Variants in NUTM1 observed in about 807,000 individuals in gnomAD.
NUTM1 encodes NUT family member 1.
NUTM1 carries 39 observed loss-of-function variants against 88.7 expected under a neutral mutation model. The ratio of observed to expected loss-of-function variants is 0.44; its 90% CI spans 0.34 to 0.57. NUTM1 has a LOEUF of 0.57. Among genes scored for constraint, NUTM1 ranks in the 20% least tolerant of loss-of-function variants. NUTM1 has a pLI of 0.01. For synonymous variants in NUTM1, 494 were observed against 538.0 expected (o/e 0.92, Z 1.13); for missense variants, 1,350 against 1,414.5 (o/e 0.95, Z 0.73).
Position 34,357,187 on chromosome 15 carries a change from C to G in NUTM1, c.3179C>G (p.Pro1060Arg), listed in dbSNP as rs1274350602. 1.9e-6 allele frequency: 3 copies of G among 1,614,184 alleles called. No homozygotes were observed. The highest frequency in any genetic ancestry group is 2.5e-6 in the Non-Finnish European group (3 of 1,180,024). Residue 1060 changes from proline to arginine, a missense_variant, in exon 8 of 8, where the codon CCA becomes CGA. By Grantham distance (103) the Pro-to-Arg change is moderately radical. This residue lies in a region of NUTM1 where 730 missense variants were observed against 728.8 expected (regional missense o/e 1.00). Transcript: ENST00000537011. ...TTGGCCTCTAAACTTAGCCTCTCAC[C>G]AAGGGAGCATCCCCTCAGTCCTCAC... ...YLLASKLSLS[P>R]REHPLSPHHA...
At chr15:34,350,493 G>C (rs1341271284) in intron 3 of NUTM1, among the ~76,000 whole-genome samples, 1 of 152,180 alleles carries the variant, frequency 6.6e-6, no homozygotes, top group Non-Finnish European at 1.5e-5. Context: ...TTTTATATTA[G>C]TTGTAAAGTT....
Position 34,348,467 on chromosome 15 carries a change from T to A in NUTM1, c.599T>A (p.Ile200Asn), listed in dbSNP as rs1177487639. 6.2e-7 allele frequency: 1 copy of A among 1,614,142 alleles called. No individual in the cohort carries two copies. The highest frequency in any genetic ancestry group is 2.2e-5 in the East Asian group (1 of 44,890). Residue 200 changes from isoleucine to asparagine, a missense_variant, in exon 3 of 8, where the codon ATT (isoleucine) becomes AAT (asparagine). Coordinates refer to ENST00000537011, the MANE Select transcript of NUTM1 (RefSeq NM_001284292.2). Reference sequence around the variant, plus strand: ...CCACCAGTTGCTCAACTGGTCCCCATTGTGCCCCTGGAAAAAGCTTGGCCA... The same window carrying A: ...CCACCAGTTGCTCAACTGGTCCCCAATGTGCCCCTGGAAAAAGCTTGGCCA... ...PPPPVAQLVPIVPLEKAWPGP... is the reference protein window; with the variant it reads ...PPPPVAQLVPNVPLEKAWPGP...
At chr15:34,345,343 A>T (rs1890566770) in intron 1 of NUTM1, among the ~76,000 whole-genome samples, 1 of 152,234 alleles carries the variant, frequency 6.6e-6, no homozygotes, top group Non-Finnish European at 1.5e-5. Context: ...TTATTTAGTG[A>T]GGCTTTTCAG....
chr15:34,348,083 A>G lies in NUTM1; in HGVS notation c.215A>G (p.Glu72Gly), dbSNP rs1890634433. 2 of 1,613,940 alleles carry G rather than the reference A, an allele frequency of 1.2e-6. No homozygotes were observed. Among genetic ancestry groups the G allele is most frequent in the Non-Finnish European group, 1.7e-6 (2 of 1,179,964 alleles). ...TSDPPDHPPR[E>G]PPPQPIMPSV... ...GACCCACCAGACCACCCACCCAGGG[A>G]GCCACCTCCACAGCCCATCATGCCT... The change falls in exon 3 of 8, where the codon GAG becomes GGG. Residue 72 changes from glutamate to glycine, a missense_variant. Transcript: ENST00000537011.
In NUTM1 at chr15:34,357,538, G is replaced by A. The variant is rs998042728; in HGVS notation, c.*47G>A. 1.2e-5 allele frequency: 19 copies of A among 1,610,674 alleles called. No individual in the cohort carries two copies. Among genetic ancestry groups the A allele is most frequent in the Non-Finnish European group, 1.4e-5 (17 of 1,179,960 alleles). The stretch of plus-strand genomic sequence containing the variant: ...CCCACTTGCCAGTCCCTAAAGGTGG[G>A]TGCCCCAGAGTAGATTCCACCCCTG... On this transcript the variant is annotated 3_prime_UTR_variant, in exon 8 of 8. Coordinates refer to ENST00000537011, the MANE Select transcript of NUTM1 (RefSeq NM_001284292.2).
chr15:34,356,821 G>A lies in NUTM1; in HGVS notation c.2813G>A (p.Cys938Tyr). 2 of 1,612,226 alleles carry A rather than the reference G, an allele frequency of 1.2e-6. No individual in the cohort carries two copies. The highest frequency in any genetic ancestry group is 8.5e-7 in the Non-Finnish European group (1 of 1,179,722). The change falls in exon 8 of 8, where the codon TGT (cysteine) becomes TAT (tyrosine). Residue 938 changes from cysteine to tyrosine, a missense_variant. Cys to Tyr is a radical substitution (Grantham distance 194). Around this residue, in one of 5 missense-constraint regions of NUTM1, gnomAD observed 730 missense variants for 728.8 expected, o/e 1.00. Coordinates refer to ENST00000537011, the MANE Select transcript of NUTM1 (RefSeq NM_001284292.2). ...PVNILDVKDD[C>Y]GLQLRVSEDT... ...AACATACTAGATGTTAAAGATGACT[G>A]TGGCCTCCAACTAAGGGTCAGCGAG...
chr15:34,354,710 C>G lies in NUTM1; in HGVS notation c.1340C>G (p.Ser447Cys), dbSNP rs747113939. The stretch of plus-strand genomic sequence containing the variant: ...CTGAGCTACATCAATGAGCTGTGTT[C>G]TCAGAAGGTCTTTGTCTCCAAGGTG... ...GLLSYINELC[S>C]QKVFVSKVEA... Residue 447 changes from serine to cysteine, a missense_variant, in exon 6 of 8, where the codon TCT (serine) becomes TGT (cysteine). Physicochemically the swap from Ser to Cys is moderately radical, Grantham distance 112. Coordinates refer to ENST00000537011, the MANE Select transcript of NUTM1 (RefSeq NM_001284292.2). The G allele has an allele frequency of 1.2e-6, 2 of 1,614,030 alleles. No homozygotes were observed. The highest frequency in any genetic ancestry group is 2.7e-5 in the African/African-American group (2 of 74,934).
chr15:34,349,446 C>G (rs1431841051), intron 3 of NUTM1, among the ~76,000 whole-genome samples: 1 of 152,192 alleles, frequency 6.6e-6, no homozygotes, highest in Non-Finnish European at 1.5e-5. Context: ...AAAAGGCCAT[C>G]TAGAAGAGGA....
At position 34,353,986 on chromosome 15, in the gene NUTM1, G is replaced by C. The variant is rs550339880; in HGVS notation, c.1075+114G>C. On this transcript the variant is annotated intron_variant, in intron 5 of 7. Coordinates refer to ENST00000537011, the MANE Select transcript of NUTM1 (RefSeq NM_001284292.2). ...CCCAGGCTCTGCCACTTTCCCTCTG[G>C]AGAGTGGCATTTGATATTCCAAACA... 2.9e-4 allele frequency: 358 copies of C among 1,224,838 alleles called. 5 individuals are homozygous for C. In the South Asian group the frequency reaches 4.8e-3, roughly 16 times the overall value. The allele number at this position is 1,224,838 out of a possible 1,614,324, so 75.9% of individuals were successfully genotyped here.
rs377683009 is a variant in NUTM1 at position 34,355,149 on chromosome 15, G to A, written c.1479+12G>A. 1.5e-5 allele frequency: 22 copies of A among 1,509,076 alleles called. No individual in the cohort carries two copies. The highest frequency in any genetic ancestry group is 1.8e-5 in the Non-Finnish European group (20 of 1,084,628). 93.5% of individuals were successfully genotyped at this position (1,509,076 alleles called of 1,614,324 possible). ...TCACTCTTGCCCAGGTAAAACTGGG[G>A]TATAGGAAATATGAGAACGAGAAGC... On this transcript the variant is annotated intron_variant, in intron 7 of 7. Transcript: ENST00000537011. This position sits in a 1 kb window ranked among gnomAD's most constrained non-coding sequence, Gnocchi z 4.3.
chr15:34,356,932 C>T lies in NUTM1; in HGVS notation c.2924C>T (p.Ala975Val), dbSNP rs139744688. The T allele has an allele frequency of 1.1e-5, 17 of 1,613,782 alleles. No individual in the cohort carries two copies. In the East Asian group the frequency reaches 3.6e-4, roughly 34 times the overall value. Residue 975 changes from alanine (A) to valine (V), a missense_variant, in exon 8 of 8, where the codon GCT becomes GTT. By Grantham distance (64) the Ala-to-Val change is moderately conservative. This residue lies in a region of NUTM1 where 730 missense variants were observed against 728.8 expected (regional missense o/e 1.00). Coordinates refer to ENST00000537011, the MANE Select transcript of NUTM1 (RefSeq NM_001284292.2). Reference sequence around the variant, plus strand: ...GATCTGTCCAAGCCTAAAAACCTTGCTCCTTTACAAGAGAGTCAGGAGTCT... The same window carrying T: ...GATCTGTCCAAGCCTAAAAACCTTGTTCCTTTACAAGAGAGTCAGGAGTCT... ...DPDLSKPKNL[A>V]PLQESQESYT...
In NUTM1 at chr15:34,354,589, G is replaced by C. The variant is rs745774939; in HGVS notation, c.1219G>C (p.Val407Leu). The C allele has an allele frequency of 6.2e-7, 1 of 1,614,212 alleles. No homozygotes were observed. The highest frequency in any genetic ancestry group is 8.5e-7 in the Non-Finnish European group (1 of 1,180,046). The change falls in exon 6 of 8, where the codon GTG becomes CTG. Residue 407 changes from valine to leucine, a missense_variant. Around this residue, in one of 5 missense-constraint regions of NUTM1, gnomAD observed 126 missense variants for 189.8 expected, o/e 0.66. Coordinates refer to ENST00000537011, the MANE Select transcript of NUTM1 (RefSeq NM_001284292.2). ...KEYVDIMEWLVGTHLATGESD... is the reference protein window; with the variant it reads ...KEYVDIMEWLLGTHLATGESD... The stretch of plus-strand genomic sequence containing the variant: ...GTATGTTGACATCATGGAATGGCTG[G>C]TGGGGACTCACTTGGCCACTGGGGA...
In NUTM1 at chr15:34,357,113, A is replaced by G; in HGVS notation, c.3105A>G (p.Lys1035=). The change falls in exon 8 of 8, where the codon AAA becomes AAG. Residue 1035 remains lysine, a synonymous_variant. Coordinates refer to ENST00000537011, the MANE Select transcript of NUTM1 (RefSeq NM_001284292.2). ...ADRAKGKEKK[K]KEAEEEDEEL... ...GGGCCAAAGGAAAGGAGAAAAAGAA[A>G]AAGGAAGCAGAGGAAGAGGATGAGG... The G allele has an allele frequency of 6.2e-7, 1 of 1,614,130 alleles. No homozygotes were observed. Among genetic ancestry groups the G allele is most frequent in the Non-Finnish European group, 8.5e-7 (1 of 1,180,010 alleles).
At chr15:34,352,804 T>TCAAAAA (rs1221340569) in intron 4 of NUTM1, among the ~76,000 whole-genome samples, 1 of 146,246 alleles carries the variant, frequency 6.8e-6, no homozygotes, top group East Asian at 2.1e-4. Context: ...AGACTCTGTC[T>TCAAAAA]CAAAAACAAA....
chr15:34,352,876 ACT>A (rs1890734176), intron 4 of NUTM1, among the ~76,000 whole-genome samples: 1 of 125,132 alleles, frequency 8.0e-6, no homozygotes, highest in Middle Eastern at 4.2e-3. Flanking sequence ...ATCATTCTTA[ACT>A]TTTTTTTTTT....
Position 34,343,493 on chromosome 15 carries a change from G to C in NUTM1, c.-204G>C. On this transcript the variant is annotated 5_prime_UTR_variant, in exon 1 of 8. Transcript: ENST00000537011. Reference sequence around the variant, plus strand: ...GAGCCCCTTTACCCTAGGGAAGAAAGAAGAGGTTTTCTTCCCTCCCCTCTT... The same window carrying C: ...GAGCCCCTTTACCCTAGGGAAGAAACAAGAGGTTTTCTTCCCTCCCCTCTT... 8.3e-7 allele frequency: 1 copy of C among 1,209,344 alleles called. No individual in the cohort carries two copies. The highest frequency in any genetic ancestry group is 1.1e-6 in the Non-Finnish European group (1 of 877,890). The allele number at this position is 1,209,344 out of a possible 1,614,324, so 74.9% of individuals were successfully genotyped here. A position where few individuals can be genotyped will look rare whatever the true frequency, so the allele number is the denominator to read the frequency against.
rs760069510 is a variant in NUTM1 at position 34,348,462 on chromosome 15, C to G, written c.594C>G (p.Val198=). The G allele has an allele frequency of 6.2e-7, 1 of 1,614,096 alleles. No individual in the cohort carries two copies. Among genetic ancestry groups the G allele is most frequent in the Non-Finnish European group, 8.5e-7 (1 of 1,179,948 alleles). The part of the protein sequence containing the change: ...PQPPPPVAQL[V]PIVPLEKAWP... ...CTCCACCACCAGTTGCTCAACTGGT[C>G]CCCATTGTGCCCCTGGAAAAAGCTT... Residue 198 remains valine, a synonymous_variant, in exon 3 of 8, where the codon GTC becomes GTG. Transcript: ENST00000537011.
rs1418718165 is a variant in NUTM1 at position 34,357,020 on chromosome 15, A to G, written c.3012A>G (p.Arg1004=). ...AGGGCCTTGGAAGCACTTTGCCTAGAAGGGGAACCAGGAATGCCATAGTTC... is the reference window on the plus strand; with the variant it reads ...AGGGCCTTGGAAGCACTTTGCCTAGGAGGGGAACCAGGAATGCCATAGTTC... ...SHQGLGSTLP[R]RGTRNAIVPR... The change falls in exon 8 of 8, where the codon AGA becomes AGG. Residue 1004 remains arginine (R), a synonymous_variant. Transcript: ENST00000537011. The G allele has an allele frequency of 6.2e-7, 1 of 1,614,012 alleles. No homozygotes were observed. The highest frequency in any genetic ancestry group is 8.5e-7 in the Non-Finnish European group (1 of 1,180,000).
At chr15:34,352,131 T>C (rs1016319978) in intron 4 of NUTM1, among the ~76,000 whole-genome samples, 2 of 151,878 alleles carry the variant, frequency 1.3e-5, no homozygotes, top group African/African-American at 4.8e-5. Context: ...GATTGTGCCA[T>C]TGCACTCCAG....
Sources: allele counts gnomAD v4.1 joint callset (sites outside exome capture counted in the v4.1 genomes callset), GRCh38; gene constraint gnomAD v4.1.1; regional missense constraint gnomAD v4.1.1; non-coding constraint Gnocchi (gnomAD v3.1); transcripts MANE v1.5; gene names NCBI Gene and HGNC (gene_info 2026-07-23, HGNC 2026-07-21).